IMMP2L: variants seen among roughly 807,000 people sequenced by gnomAD.
IMMP2L encodes the protein inner mitochondrial membrane peptidase subunit 2.
Under a neutral mutation model 19.3 loss-of-function variants are expected in IMMP2L, and 18 were observed. The ratio of observed to expected loss-of-function variants is 0.93; its 90% CI spans 0.64 to 1.38. The LOEUF (loss-of-function observed/expected upper bound fraction) is 1.38, where lower values mean the gene tolerates loss of function less well. Among genes scored for constraint, IMMP2L ranks in the 40% most tolerant of loss-of-function variants. The pLI is 0.00. For missense variants in IMMP2L, 233 were observed against 218.2 expected, an observed-to-expected ratio of 1.07 and a Z score of -0.43; for synonymous variants, 76 against 73.0, an observed-to-expected ratio of 1.04 and a Z score of -0.21.
intron 3 of IMMP2L, among the ~76,000 whole-genome samples, chr7:110,985,913 G>A (rs777139196): frequency 7.9e-5 from 12 of 152,048 alleles, no homozygotes; most frequent in African/African-American, 2.7e-4. Flanking sequence ...ATTTACCAAC[G>A]TAATGATAAT....
chr7:110,964,813 T>C (rs1278734243), intron 3 of IMMP2L, among the ~76,000 whole-genome samples: 1 of 151,934 alleles, frequency 6.6e-6, no homozygotes, highest in African/African-American at 2.4e-5. Flanking sequence ...AACATCTCTT[T>C]CATGGATCAC....
chr7:111,521,456 A>G lies in IMMP2L; in HGVS notation c.-2-7T>C. 1.3e-6 allele frequency: 2 copies of G among 1,589,044 alleles called. No homozygotes were observed. The highest frequency in any genetic ancestry group is 8.5e-7 in the Non-Finnish European group (1 of 1,170,122). On this transcript the variant is annotated splice_region_variant and splice_polypyrimidine_tract_variant and intron_variant, in intron 1 of 5. Transcript: ENST00000405709. ...CCTTGTGACTGTGCCATACCTAAAA[A>G]TACAAAGAAAACAACTATGAAATTA... is the stretch of plus-strand genomic sequence containing the variant.
intron 3 of IMMP2L, among the ~76,000 whole-genome samples, chr7:111,466,291 T>C (rs1022734718): frequency 5.3e-5 from 8 of 152,084 alleles, no homozygotes; most frequent in African/African-American, 1.9e-4. Context: ...CATGTATACA[T>C]ATGTAACTAA....
At chr7:110,779,217 A>G (rs1408140906) in intron 5 of IMMP2L, among the ~76,000 whole-genome samples, 2 of 151,964 alleles carry the variant, frequency 1.3e-5, no homozygotes, top group East Asian at 1.9e-4. Context: ...AGTCTGATAT[A>G]TAAGTAACAA....
intron 3 of IMMP2L, among the ~76,000 whole-genome samples, chr7:111,426,926 C>T (rs1585054645): frequency 1.3e-5 from 2 of 151,206 alleles, no homozygotes; most frequent in East Asian, 3.9e-4. Flanking sequence ...TACAACCATG[C>T]TTTTAAATTT....
At chr7:111,346,795 C>T (rs2130843085) in intron 3 of IMMP2L, among the ~76,000 whole-genome samples, 1 of 152,230 alleles carries the variant, frequency 6.6e-6, no homozygotes, top group South Asian at 2.1e-4. Flanking sequence ...GATTTGTAAG[C>T]TGTGGTATAG....
chr7:110,923,576 A>G (rs1814531988), intron 4 of IMMP2L, among the ~76,000 whole-genome samples: 2 of 152,182 alleles, frequency 1.3e-5, no homozygotes, highest in South Asian at 4.1e-4. Flanking sequence ...GGAGGTTCTA[A>G]CCTTTTATTA....
chr7:111,040,155 C>A (rs1029903), intron 3 of IMMP2L, among the ~76,000 whole-genome samples: 1 of 152,008 alleles, frequency 6.6e-6, no homozygotes, highest in African/African-American at 2.4e-5. Context: ...GGTGACAAGA[C>A]CAAAACTCTG....
At chr7:111,514,379 G>T (rs576208136) in intron 2 of IMMP2L, among the ~76,000 whole-genome samples, 2 of 151,998 alleles carry the variant, frequency 1.3e-5, no homozygotes, top group Non-Finnish European at 2.9e-5. Flanking sequence ...TGGGGTTGGG[G>T]GATGGGGGAG....
intron 3 of IMMP2L, among the ~76,000 whole-genome samples, chr7:110,967,802 T>C (rs537539962): frequency 6.6e-6 from 1 of 152,220 alleles, no homozygotes; most frequent in East Asian, 1.9e-4. Context: ...ATATATGTTT[T>C]TCTATTCTTT....
At chr7:111,491,303 G>C (rs551649334) in intron 2 of IMMP2L, among the ~76,000 whole-genome samples, 2 of 152,178 alleles carry the variant, frequency 1.3e-5, no homozygotes, top group African/African-American at 4.8e-5. Context: ...TAGTTAAGTT[G>C]TGGGGTGTGG....
intron 3 of IMMP2L, among the ~76,000 whole-genome samples, chr7:110,998,764 C>T (rs749153886): frequency 1.1e-4 from 17 of 152,098 alleles, no homozygotes; most frequent in Non-Finnish European, 2.5e-4. Flanking sequence ...TTCTTAAAGC[C>T]TGGGCTAGAA....
chr7:111,241,309 A>C (rs192045470), intron 3 of IMMP2L, among the ~76,000 whole-genome samples: 135 of 152,168 alleles, frequency 8.9e-4, no homozygotes, highest in African/African-American at 3.2e-3. Context: ...AAAAAAGGTC[A>C]CTTTAAAAAC....
chr7:110,981,083 A>G (rs1449357875), intron 3 of IMMP2L, among the ~76,000 whole-genome samples: 1 of 152,124 alleles, frequency 6.6e-6, no homozygotes, highest in Non-Finnish European at 1.5e-5. Flanking sequence ...TTTTCTTGCA[A>G]TTATTGAGTT....
chr7:111,213,193 C>T lies in IMMP2L; in HGVS notation c.240-249628G>A, dbSNP rs923982773. On this transcript the variant is annotated intron_variant, in intron 3 of 5. Coordinates refer to ENST00000405709, the MANE Select transcript of IMMP2L (RefSeq NM_032549.4). The surrounding 1 kb of genome is among the most constrained non-coding windows in gnomAD (Gnocchi z 4.8). Reference sequence around the variant, plus strand: ...CTCTCCTTGCTCCCTGCACTTGCTCCGATCTTGGAGTGGAGTTGAGGCCTA... The same window carrying T: ...CTCTCCTTGCTCCCTGCACTTGCTCTGATCTTGGAGTGGAGTTGAGGCCTA... Among the ~76,000 whole-genome samples, 6 of 152,200 alleles carry T rather than the reference C, an allele frequency of 3.9e-5. No homozygotes were observed. Among genetic ancestry groups the T allele is most frequent in the African/African-American group, 1.4e-4 (6 of 41,446 alleles).
chr7:111,454,852 G>C (rs1348211168), intron 3 of IMMP2L, among the ~76,000 whole-genome samples: 1 of 152,006 alleles, frequency 6.6e-6, no homozygotes, highest in African/African-American at 2.4e-5. Context: ...AATGATGAAT[G>C]ATTAAGGGAG....
At position 111,435,153 on chromosome 7, in the gene IMMP2L, A is replaced by G. The variant is rs144421843; in HGVS notation, c.239+52085T>C. Among the ~76,000 whole-genome samples, 737 of 152,018 alleles carry G rather than the reference A, an allele frequency of 4.8e-3. 27 individuals carry two copies. The highest frequency in any genetic ancestry group is 0.017 in the African/African-American group (703 of 41,286). On this transcript the variant is annotated intron_variant, in intron 3 of 5. Transcript: ENST00000405709. ...TTCTCAAAGAATTAAAAGTGAAACTACCATTAGATATACTGATCACACTTC... is the reference window on the plus strand; with the variant it reads ...TTCTCAAAGAATTAAAAGTGAAACTGCCATTAGATATACTGATCACACTTC...
intron 1 of IMMP2L, among the ~76,000 whole-genome samples, chr7:111,558,635 G>A (rs1164485892): frequency 6.6e-6 from 1 of 152,112 alleles, no homozygotes; most frequent in East Asian, 1.9e-4. Context: ...GGAGGGAGAC[G>A]TGGTCCAGCC....
chr7:111,441,837 C>A (rs1282364209), intron 3 of IMMP2L, among the ~76,000 whole-genome samples: 1 of 151,576 alleles, frequency 6.6e-6, no homozygotes, highest in Non-Finnish European at 1.5e-5. Flanking sequence ...GTAAAACTCA[C>A]ATGAAAAGCT....
Sources: allele counts gnomAD v4.1 joint callset (sites outside exome capture counted in the v4.1 genomes callset), GRCh38; gene constraint gnomAD v4.1.1; non-coding constraint Gnocchi (gnomAD v3.1); transcripts MANE v1.5; gene names NCBI Gene and HGNC (gene_info 2026-07-23, HGNC 2026-07-21).